KCNV2: variants seen among roughly 807,000 people sequenced by gnomAD.
KCNV2 encodes potassium voltage-gated channel subfamily V member 2.
Under a neutral mutation model 37.0 loss-of-function variants are expected in KCNV2, and 65 were observed. That is an observed-to-expected ratio of 1.76 (90% CI 1.44 to 2.16). KCNV2 has a LOEUF of 2.16. Ranked by LOEUF, KCNV2 falls within the 30% of genes most tolerant of loss-of-function variation. The probability of loss-of-function intolerance (pLI) is 0.00; values close to 1 mark genes in which losing one functional copy is unlikely to be tolerated. For missense variants in KCNV2, 1,232 were observed against 766.7 expected, an observed-to-expected ratio of 1.61 and a Z score of -7.17; for synonymous variants, 518 against 328.6, an observed-to-expected ratio of 1.58 and a Z score of -6.23.
intron 1 of KCNV2, among the ~76,000 whole-genome samples, chr9:2,722,042 TATTTATAA>T (rs1279783224): frequency 6.9e-6 from 1 of 145,194 alleles, no homozygotes; most frequent in Non-Finnish European, 1.5e-5. Flanking sequence ...AGAAGTTATT[TATTTATAA>T]ATAAATTAGA....
Position 2,718,338 on chromosome 9 carries a change from G to A in KCNV2, c.599G>A (p.Arg200His), listed in dbSNP as rs745621260. 49 of 1,602,974 alleles carry A rather than the reference G, an allele frequency of 3.1e-5. No individual in the cohort carries two copies. The highest frequency in any genetic ancestry group is 1.7e-4 in the Middle Eastern group (1 of 5,788). ...VRLKYTPRCC[R>H]ICFEERRDEL... The stretch of plus-strand genomic sequence containing the variant: ...CTCAAGTACACGCCACGCTGCTGCC[G>A]CATCTGCTTCGAGGAGCGGCGCGAC... The change falls in exon 1 of 2, where the codon CGC becomes CAC. Residue 200 changes from arginine to histidine, a missense_variant. Coordinates refer to ENST00000382082, the MANE Select transcript of KCNV2 (RefSeq NM_133497.4).
In KCNV2 at chr9:2,718,731, C is replaced by T. The variant is rs777069016; in HGVS notation, c.992C>T (p.Ala331Val). ...TCCACGCCCGACCTGAGGCGCTTCG[C>T]GCGCAGCGCCCTCAACCTGGTGGAC... Reference protein sequence around the residue: ...LASTPDLRRFARSALNLVDLV... With the variant: ...LASTPDLRRFVRSALNLVDLV... Residue 331 changes from alanine to valine, a missense_variant, in exon 1 of 2, where the codon GCG becomes GTG. Transcript: ENST00000382082. The T allele has an allele frequency of 1.9e-6, 3 of 1,612,332 alleles. No homozygotes were observed. The highest frequency in any genetic ancestry group is 2.5e-6 in the Non-Finnish European group (3 of 1,179,864).
In KCNV2 at chr9:2,719,024, G is replaced by A. The variant is rs906005731; in HGVS notation, c.1285G>A (p.Val429Ile). 2.5e-6 allele frequency: 4 copies of A among 1,612,946 alleles called. No homozygotes were observed. The highest frequency in any genetic ancestry group is 3.4e-6 in the Non-Finnish European group (4 of 1,180,032). ...GGGCATCTTCACTTTCTCTGCGGCT[G>A]TCTACTCTGTGGAGCACGATGTGCC... is the stretch of plus-strand genomic sequence containing the variant. The part of the protein sequence containing the change: ...AMGIFTFSAA[V>I]YSVEHDVPST... The change falls in exon 1 of 2, where the codon GTC (valine) becomes ATC (isoleucine). Residue 429 changes from valine to isoleucine, a missense_variant. Val to Ile is a conservative substitution (Grantham distance 29). Transcript: ENST00000382082.
In KCNV2 at chr9:2,729,678, A is replaced by G. The variant is rs908823622; in HGVS notation, c.1589A>G (p.Glu530Gly). ...CAGAGAGCCAGAAAGAAGATAGCTGAGTGTTTGCTTGGAAGCAACCCACAG... is the reference window on the plus strand; with the variant it reads ...CAGAGAGCCAGAAAGAAGATAGCTGGGTGTTTGCTTGGAAGCAACCCACAG... The part of the protein sequence containing the change: ...FMQRARKKIA[E>G]CLLGSNPQLT... Residue 530 changes from glutamate to glycine, a missense_variant, in exon 2 of 2, where the codon GAG becomes GGG. By Grantham distance (98) the Glu-to-Gly change is moderately conservative (BLOSUM62 -2). Transcript: ENST00000382082. 2 of 1,614,034 alleles carry G rather than the reference A, an allele frequency of 1.2e-6. No homozygotes were observed. Among genetic ancestry groups the G allele is most frequent in the Non-Finnish European group, 1.7e-6 (2 of 1,180,004 alleles).
intron 1 of KCNV2, among the ~76,000 whole-genome samples, chr9:2,722,455 TAG>T (rs1410454209): frequency 1.5e-5 from 2 of 134,776 alleles, no homozygotes; most frequent in South Asian, 2.7e-4. Context: ...TATTTATAAA[TAG>T]AAGTTATTTA....
In KCNV2 at chr9:2,729,890, A is replaced by T; in HGVS notation, c.*163A>T. Reference sequence around the variant, plus strand: ...TCTAGAAATACTCATTTTGGCCCAAACTCAGAATGTCTCATAGTTGCTCTG... The same window carrying T: ...TCTAGAAATACTCATTTTGGCCCAATCTCAGAATGTCTCATAGTTGCTCTG... On this transcript the variant is annotated 3_prime_UTR_variant, in exon 2 of 2. Coordinates refer to ENST00000382082, the MANE Select transcript of KCNV2 (RefSeq NM_133497.4). 1.4e-6 allele frequency: 1 copy of T among 705,274 alleles called. No homozygotes were observed. Among genetic ancestry groups the T allele is most frequent in the Non-Finnish European group, 2.4e-6 (1 of 413,872 alleles). 43.7% of individuals were successfully genotyped at this position (705,274 alleles called of 1,614,324 possible).
Position 2,718,220 on chromosome 9 carries a change from G to T in KCNV2, c.481G>T (p.Val161Phe), listed in dbSNP as rs760548669. The part of the protein sequence containing the change: ...FDRDPAVFQL[V>F]YNFYLSGVLL... ...CCGCGACCCGGCCGTCTTCCAGCTG[G>T]TCTACAATTTCTACCTGTCCGGGGT... The change falls in exon 1 of 2, where the codon GTC becomes TTC. Residue 161 changes from valine (V) to phenylalanine (F), a missense_variant. Transcript: ENST00000382082. 3.7e-6 allele frequency: 6 copies of T among 1,613,556 alleles called. No homozygotes were observed. Among genetic ancestry groups the T allele is most frequent in the East Asian group, 2.2e-5 (1 of 44,866 alleles).
Position 2,719,104 on chromosome 9 carries a change from C to T in KCNV2, c.1356+9C>T, listed in dbSNP as rs774716111. The T allele has an allele frequency of 2.5e-6, 4 of 1,606,922 alleles. No individual in the cohort carries two copies. The Admixed American group carries it at 5.0e-5, about 20-fold the overall frequency. ...CCTGGTGGTGGGCCGCGGTGAGTAC[C>T]TTTGCCCTGGGCTTTCCCATCCTCT... On this transcript the variant is annotated intron_variant, in intron 1 of 1. Transcript: ENST00000382082.
chr9:2,728,358 A>C (rs897166), intron 1 of KCNV2, among the ~76,000 whole-genome samples: 5,846 of 152,264 alleles, frequency 0.038, 415 homozygotes, highest in African/African-American at 0.13. Context: ...ACTGTGACCA[A>C]CAGCTCTGCT....
In KCNV2 at chr9:2,718,156, C is replaced by T. The variant is rs748280472; in HGVS notation, c.417C>T (p.Cys139=). ...STSRSRQLSL[C]DDYEEQTDEY... ...GCCGCAGCCGCCAGCTAAGCCTGTG[C>T]GACGACTACGAGGAGCAGACAGACG... The change falls in exon 1 of 2, where the codon TGC becomes TGT. Residue 139 remains cysteine, a synonymous_variant. Coordinates refer to ENST00000382082, the MANE Select transcript of KCNV2 (RefSeq NM_133497.4). The T allele has an allele frequency of 5.6e-6, 9 of 1,611,560 alleles. No individual in the cohort carries two copies. Among genetic ancestry groups the T allele is most frequent in the Non-Finnish European group, 7.6e-6 (9 of 1,178,988 alleles).
At chr9:2,726,455 C>A (rs997838065) in intron 1 of KCNV2, among the ~76,000 whole-genome samples, 3 of 152,064 alleles carry the variant, frequency 2.0e-5, no homozygotes, top group Non-Finnish European at 4.4e-5. Flanking sequence ...TAAGCCAATT[C>A]TCTTTGCTTT....
intron 1 of KCNV2, among the ~76,000 whole-genome samples, chr9:2,722,939 C>T (rs1819905824): frequency 6.6e-6 from 1 of 152,162 alleles, no homozygotes; most frequent in South Asian, 2.1e-4. Flanking sequence ...GCAAACACTT[C>T]ATAAGTTTCT....
intron 1 of KCNV2, among the ~76,000 whole-genome samples, chr9:2,721,473 T>C (rs796988670): frequency 1.4e-4 from 22 of 152,300 alleles, no homozygotes; most frequent in African/African-American, 4.8e-4. Context: ...AAAGAACACA[T>C]TGAATTGATG....
chr9:2,719,434 A>G (rs950235309), intron 1 of KCNV2, among the ~76,000 whole-genome samples: 4 of 151,954 alleles, frequency 2.6e-5, no homozygotes, highest in African/African-American at 9.7e-5. Context: ...AGCTTATCTC[A>G]TTGTGGCATC....
intron 1 of KCNV2, among the ~76,000 whole-genome samples, chr9:2,728,166 A>G (rs558606156): frequency 3.9e-5 from 6 of 152,262 alleles, no homozygotes; most frequent in East Asian, 3.9e-4. Context: ...CCAGGTTCAA[A>G]CTAACCCTTA....
In KCNV2 at chr9:2,718,470, G is replaced by T; in HGVS notation, c.731G>T (p.Arg244Leu). Residue 244 changes from arginine to leucine, a missense_variant, in exon 1 of 2, where the codon CGC (arginine) becomes CTC (leucine). Coordinates refer to ENST00000382082, the MANE Select transcript of KCNV2 (RefSeq NM_133497.4). The stretch of plus-strand genomic sequence containing the variant: ...ATGCGCTTCTACGGCCCGCAGCGGC[G>T]CCGCCTCTGGAACCTCATGGAGAAG... Reference protein sequence around the residue: ...RDMRFYGPQRRRLWNLMEKPF... With the variant: ...RDMRFYGPQRLRLWNLMEKPF... 1.2e-6 allele frequency: 2 copies of T among 1,608,742 alleles called. No individual in the cohort carries two copies. The highest frequency in any genetic ancestry group is 1.7e-6 in the Non-Finnish European group (2 of 1,178,324).
Position 2,718,365 on chromosome 9 carries a change from A to G in KCNV2, c.626A>G (p.Glu209Gly). 1 of 1,599,560 alleles carries G rather than the reference A, an allele frequency of 6.3e-7. No individual in the cohort carries two copies. The highest frequency in any genetic ancestry group is 8.5e-7 in the Non-Finnish European group (1 of 1,174,692). Reference protein sequence around the residue: ...CRICFEERRDELSERLKIQHE... With the variant: ...CRICFEERRDGLSERLKIQHE... ...ATCTGCTTCGAGGAGCGGCGCGACG[A>G]GCTGAGCGAACGGCTCAAGATCCAG... The change falls in exon 1 of 2, where the codon GAG (glutamate) becomes GGG (glycine). Residue 209 changes from glutamate to glycine, a missense_variant. By Grantham distance (98) the Glu-to-Gly change is moderately conservative (BLOSUM62 -2). Transcript: ENST00000382082.
chr9:2,718,834 G>C lies in KCNV2; in HGVS notation c.1095G>C (p.Thr365=). 6.2e-7 allele frequency: 1 copy of C among 1,609,626 alleles called. No homozygotes were observed. Among genetic ancestry groups the C allele is most frequent in the Non-Finnish European group, 8.5e-7 (1 of 1,179,908 alleles). ...FTGEGHQRGQ[T]VGSVGKVGQV... ...GCGAGGGCCACCAACGCGGCCAGACGGTGGGCAGCGTGGGTAAGGTGGGTC... is the reference window on the plus strand; with the variant it reads ...GCGAGGGCCACCAACGCGGCCAGACCGTGGGCAGCGTGGGTAAGGTGGGTC... Residue 365 remains threonine (T), a synonymous_variant, in exon 1 of 2, where the codon ACG becomes ACC. Coordinates refer to ENST00000382082, the MANE Select transcript of KCNV2 (RefSeq NM_133497.4).
intron 1 of KCNV2, among the ~76,000 whole-genome samples, chr9:2,723,149 A>G (rs1300363549): frequency 6.6e-6 from 1 of 152,154 alleles, no homozygotes; most frequent in African/African-American, 2.4e-5. Context: ...CTGCTCAAAT[A>G]TATTACACAT....
Sources: allele counts gnomAD v4.1 joint callset (sites outside exome capture counted in the v4.1 genomes callset), GRCh38; gene constraint gnomAD v4.1.1; transcripts MANE v1.5; gene names NCBI Gene and HGNC (gene_info 2026-07-23, HGNC 2026-07-21).